TRHDE: variants seen among roughly 807,000 people sequenced by gnomAD.
The protein encoded by TRHDE is thyrotropin-releasing hormone-degrading ectoenzyme.
A neutral mutation model predicts 125.7 loss-of-function variants in TRHDE; 72 were observed. The ratio of observed to expected loss-of-function variants is 0.57; its 90% CI spans 0.47 to 0.70. The LOEUF (loss-of-function observed/expected upper bound fraction) is 0.70, where lower values mean the gene tolerates loss of function less well. Ranked by LOEUF, TRHDE falls within the 30% of genes least tolerant of loss-of-function variation. TRHDE has a pLI of 0.00. For synonymous variants in TRHDE, 509 were observed against 509.1 expected, an observed-to-expected ratio of 1.00 and a Z score of 0.00; for missense variants, 1,110 against 1,327.1, an observed-to-expected ratio of 0.84 and a Z score of 2.54.
chr12:72,282,124 T>C (rs1271261007), intron 1 of TRHDE, among the ~76,000 whole-genome samples: 4 of 152,166 alleles, frequency 2.6e-5, no homozygotes, highest in Non-Finnish European at 5.9e-5. Context: ...GACAGATTCA[T>C]TAAAAGATAA....
chr12:72,185,244 T>G (rs961866808), intron 2 of TRHDE, among the ~76,000 whole-genome samples: 1 of 152,218 alleles, frequency 6.6e-6, no homozygotes, highest in East Asian at 1.9e-4. Flanking sequence ...CCACCGGGGC[T>G]GTGCTCGATT....
intron 2 of TRHDE, among the ~76,000 whole-genome samples, chr12:72,212,657 T>C (rs747192661): frequency 9.2e-5 from 14 of 152,136 alleles, no homozygotes; most frequent in African/African-American, 2.4e-5. Flanking sequence ...TCCACTAGGA[T>C]GGTTATAATG....
chr12:72,175,522 A>T (rs1040232389), intron 2 of TRHDE, among the ~76,000 whole-genome samples: 1 of 152,198 alleles, frequency 6.6e-6, no homozygotes, highest in Non-Finnish European at 1.5e-5. Flanking sequence ...TCAGCAGAGG[A>T]AAAAATGAAG....
chr12:72,087,814 C>T lies in TRHDE; in HGVS notation n.174+375C>T, dbSNP rs905797670. 2.0e-5 allele frequency among the ~76,000 whole-genome samples: 3 copies of T among 152,056 alleles called. No homozygotes were observed. The East Asian group carries it at 5.8e-4, about 29-fold the overall frequency. On this transcript the variant is annotated intron_variant and non_coding_transcript_variant, in intron 1 of 4. Coordinates refer to the TRHDE transcript ENST00000548156. ...CAGCAATACTGGAAGTGCATTTGAT[C>T]TTAGAAACTATACCTAGTAGCAATC...
chr12:72,090,398 TTGAA>T (rs2139281831), intron 1 of TRHDE, among the ~76,000 whole-genome samples: 1 of 152,308 alleles, frequency 6.6e-6, no homozygotes, highest in South Asian at 2.1e-4. Flanking sequence ...GGGGGAGCAT[TTGAA>T]TGAGTATAGA....
upstream of TRHDE, among the ~76,000 whole-genome samples, chr12:72,271,158 A>T (rs949343553): frequency 6.6e-6 from 1 of 152,224 alleles, no homozygotes; most frequent in Non-Finnish European, 1.5e-5. Context: ...TATGGGGAAA[A>T]CATCACCTTG....
intron 2 of TRHDE, among the ~76,000 whole-genome samples, chr12:72,354,814 G>A (rs1258392298): frequency 1.3e-5 from 2 of 150,840 alleles, no homozygotes; most frequent in Non-Finnish European, 3.0e-5. Context: ...TAGGCACTAC[G>A]CCAATTGTCT....
intron 2 of TRHDE, among the ~76,000 whole-genome samples, chr12:72,121,414 T>G (rs751256262): frequency 3.9e-5 from 6 of 152,194 alleles, no homozygotes; most frequent in Non-Finnish European, 8.8e-5. Flanking sequence ...GGACAATTCC[T>G]TTCTGGCCAG....
intron 3 of TRHDE, among the ~76,000 whole-genome samples, chr12:72,397,012 G>A (rs1260231624): frequency 2.0e-5 from 3 of 152,042 alleles, no homozygotes; most frequent in Admixed American, 6.5e-5. Context: ...CTTCACGTCC[G>A]ACCTCTGTGG....
At position 72,652,346 on chromosome 12, in the gene TRHDE, C is replaced by A; in HGVS notation, c.2700C>A (p.Ile900=). 6.5e-7 allele frequency: 1 copy of A among 1,547,520 alleles called. No homozygotes were observed. The highest frequency in any genetic ancestry group is 8.7e-7 in the Non-Finnish European group (1 of 1,146,092). The change falls in exon 16 of 19, where the codon ATC becomes ATA. Residue 900 remains isoleucine (I), a synonymous_variant. Coordinates refer to ENST00000261180, the MANE Select transcript of TRHDE (RefSeq NM_013381.3). Reference sequence around the variant, plus strand: ...GAATACCACTAAATGTTAGAGACATCGTATACTGTACAGGAGTGTCACTAC... The same window carrying A: ...GAATACCACTAAATGTTAGAGACATAGTATACTGTACAGGAGTGTCACTAC... ...RNRIPLNVRD[I]VYCTGVSLLD...
chr12:72,467,698 C>G (rs2135894426), intron 3 of TRHDE, among the ~76,000 whole-genome samples: 1 of 152,202 alleles, frequency 6.6e-6, no homozygotes, highest in Non-Finnish European at 1.5e-5. Context: ...GCCTGTAATC[C>G]CAGCTACTTG....
chr12:72,275,484 A>AT (rs999956194), intron 1 of TRHDE, among the ~76,000 whole-genome samples: 1 of 152,208 alleles, frequency 6.6e-6, no homozygotes, highest in African/African-American at 2.4e-5. Flanking sequence ...GATTAAAAAT[A>AT]TTTTTTAAAC....
At chr12:72,237,637 G>A (rs1878360087) in intron 2 of TRHDE, among the ~76,000 whole-genome samples, 1 of 152,148 alleles carries the variant, frequency 6.6e-6, no homozygotes, top group African/African-American at 2.4e-5. Flanking sequence ...TCCACTGTGT[G>A]CACTCTCTCT....
At chr12:72,279,883 T>C (rs1428885130) in intron 1 of TRHDE, among the ~76,000 whole-genome samples, 1 of 152,118 alleles carries the variant, frequency 6.6e-6, no homozygotes, top group African/African-American at 2.4e-5. Flanking sequence ...TTTGTTTTAA[T>C]CATTCACATC....
chr12:72,654,555 G>A (rs1874632597), intron 17 of TRHDE, among the ~76,000 whole-genome samples: 1 of 152,092 alleles, frequency 6.6e-6, no homozygotes, highest in Non-Finnish European at 1.5e-5. Context: ...TCCCTGTGAT[G>A]GATAATTGGC....
intron 15 of TRHDE, among the ~76,000 whole-genome samples, chr12:72,637,618 C>T (rs1428158521): frequency 2.0e-5 from 3 of 151,952 alleles, no homozygotes; most frequent in Non-Finnish European, 4.4e-5. Flanking sequence ...TTGGATCTTT[C>T]CTGCTTTCTC....
chr12:72,315,031 A>T (rs1270830922), intron 2 of TRHDE, among the ~76,000 whole-genome samples: 1 of 152,232 alleles, frequency 6.6e-6, no homozygotes, highest in Non-Finnish European at 1.5e-5. Context: ...TAAATTGTTT[A>T]GGCAGATATA....
In TRHDE at chr12:72,644,454, T is replaced by C. The variant is rs141928703; in HGVS notation, c.2676-7868T>C. ...GAGCAAGAGATGCCATATTTTTTTT[T>C]CCCCTTGGTCAGCACAGAGTGATGG... On this transcript the variant is annotated intron_variant, in intron 15 of 18. Coordinates refer to ENST00000261180, the MANE Select transcript of TRHDE (RefSeq NM_013381.3). 4.0e-3 allele frequency among the ~76,000 whole-genome samples: 611 copies of C among 152,246 alleles called. 2 individuals carry two copies. Among genetic ancestry groups the C allele is most frequent in the African/African-American group, 0.013 (557 of 41,530 alleles).
intron 2 of TRHDE, among the ~76,000 whole-genome samples, chr12:72,337,781 T>C (rs539613958): frequency 1.3e-5 from 2 of 151,632 alleles, no homozygotes; most frequent in Non-Finnish European, 2.9e-5. Flanking sequence ...GTTCCTAATA[T>C]GCATCTCTGA....
Sources: allele counts gnomAD v4.1 joint callset (sites outside exome capture counted in the v4.1 genomes callset), GRCh38; gene constraint gnomAD v4.1.1; transcripts MANE v1.5; gene names NCBI Gene and HGNC (gene_info 2026-07-23, HGNC 2026-07-21).